APBB1IP: variants seen among roughly 807,000 people sequenced by gnomAD.
The protein encoded by APBB1IP is amyloid beta precursor protein binding family B member 1 interacting protein.
In APBB1IP, 27 loss-of-function variants were observed where a neutral mutation model predicts 64.9. That is an observed-to-expected ratio of 0.42 (90% CI 0.31 to 0.57). The LOEUF (loss-of-function observed/expected upper bound fraction) is 0.57, where lower values mean the gene tolerates loss of function less well. Ranked by LOEUF, APBB1IP falls within the 20% of genes least tolerant of loss-of-function variation. The pLI, the probability that APBB1IP is intolerant of heterozygous loss-of-function variation, is 0.20. For synonymous variants in APBB1IP, 392 were observed against 331.0 expected (o/e 1.18, Z -2.00); for missense variants, 812 against 845.5 (o/e 0.96, Z 0.49).
intron 8 of APBB1IP, among the ~76,000 whole-genome samples, chr10:26,515,016 C>T (rs986465738): frequency 1.3e-5 from 2 of 150,514 alleles, no homozygotes; most frequent in East Asian, 2.0e-4. Flanking sequence ...GGACTACAGG[C>T]GCATGACACC....
intron 2 of APBB1IP, among the ~76,000 whole-genome samples, chr10:26,471,444 T>C (rs1030690277): frequency 3.3e-5 from 5 of 152,180 alleles, no homozygotes; most frequent in African/African-American, 1.2e-4. Flanking sequence ...TGAAAAATAT[T>C]GTCAGTAGCA....
Position 26,461,992 on chromosome 10 carries a change from T to C in APBB1IP, c.-1+23139T>C, listed in dbSNP as rs562746109. ...TGAATTGTTTATGTAGACAATTGTA[T>C]CACCTCCATATTTTGCTAACTTTGT... On this transcript the variant is annotated intron_variant, in intron 2 of 14. Transcript: ENST00000376236. Among the ~76,000 whole-genome samples, 7 of 152,332 alleles carry C rather than the reference T, an allele frequency of 4.6e-5. No individual in the cohort carries two copies. The East Asian group carries it at 9.6e-4, about 21-fold the overall frequency.
At chr10:26,510,540 A>G (rs1836238564) in intron 6 of APBB1IP, among the ~76,000 whole-genome samples, 1 of 152,076 alleles carries the variant, frequency 6.6e-6, no homozygotes, top group Non-Finnish European at 1.5e-5. Context: ...TGAAACCAAC[A>G]TGGGCAACAT....
At position 26,564,578 on chromosome 10, in the gene APBB1IP, G is replaced by A. The variant is rs188129534; in HGVS notation, c.1473+2149G>A. Among the ~76,000 whole-genome samples, 153 of 152,272 alleles carry A rather than the reference G, an allele frequency of 1.0e-3. 1 individual carries two copies. Among genetic ancestry groups the A allele is most frequent in the African/African-American group, 3.3e-3 (135 of 41,536 alleles). ...AACACTTTGGGAGGCCGAGGCAGGC[G>A]GATCACCTGAGTCCAGGAGTTGGAG... On this transcript the variant is annotated intron_variant, in intron 14 of 14. Transcript: ENST00000376236.
intron 8 of APBB1IP, among the ~76,000 whole-genome samples, chr10:26,519,512 A>G (rs1234141404): frequency 1.3e-5 from 2 of 152,182 alleles, no homozygotes; most frequent in African/African-American, 4.8e-5. Flanking sequence ...GAACTCTATC[A>G]TGAGACAGCA....
intron 13 of APBB1IP, 58 bp downstream of exon 13, chr10:26,560,902 A>T: frequency 7.7e-7 from 1 of 1,302,166 alleles, no homozygotes; most frequent in South Asian, 1.4e-5. Flanking sequence ...CCAGTTCAAA[A>T]TGTATCCAAT....
intron 8 of APBB1IP, among the ~76,000 whole-genome samples, chr10:26,530,370 T>C (rs1836535391): frequency 6.6e-6 from 1 of 151,786 alleles, no homozygotes; most frequent in Non-Finnish European, 1.5e-5. Flanking sequence ...GCTCTGTACT[T>C]AAGAGTATTT....
chr10:26,564,540 C>T (rs1484613945), intron 14 of APBB1IP, among the ~76,000 whole-genome samples: 8 of 152,180 alleles, frequency 5.3e-5, no homozygotes, highest in African/African-American at 7.2e-5. Flanking sequence ...TAGTGGCTCA[C>T]GCCTGTAATT....
intron 11 of APBB1IP, among the ~76,000 whole-genome samples, chr10:26,557,360 C>T (rs1241809358): frequency 6.6e-6 from 1 of 152,164 alleles, no homozygotes; most frequent in East Asian, 1.9e-4. Context: ...GTTTGCTATG[C>T]CCAAGCAAAT....
chr10:26,478,394 A>G lies in APBB1IP; in HGVS notation c.1-13933A>G, dbSNP rs559162764. ...GTAGCTGAATGTGTGAATTAGAAGG[A>G]GGCGTTTGGGGCCAGGCATGGTGTC... On this transcript the variant is annotated intron_variant, in intron 2 of 14. Coordinates refer to ENST00000376236, the MANE Select transcript of APBB1IP (RefSeq NM_019043.4). Among the ~76,000 whole-genome samples the G allele has an allele frequency of 4.6e-5, 7 of 152,218 alleles. No individual in the cohort carries two copies. The East Asian group carries it at 1.4e-3, about 29-fold the overall frequency.
At chr10:26,522,644 G>C (rs1269631368) in intron 8 of APBB1IP, among the ~76,000 whole-genome samples, 1 of 151,818 alleles carries the variant, frequency 6.6e-6, no homozygotes, top group South Asian at 2.1e-4. Context: ...GACACTTAAG[G>C]GTTAAAAAAT....
At chr10:26,485,765 T>C (rs786870) in intron 2 of APBB1IP, among the ~76,000 whole-genome samples, 123,435 of 152,212 alleles carry the variant, frequency 0.81, 50,532 homozygotes, top group African/African-American at 0.91. Flanking sequence ...GTGCAGTAGA[T>C]AGCAAATCTC....
intron 2 of APBB1IP, among the ~76,000 whole-genome samples, chr10:26,460,882 A>G (rs1835581560): frequency 6.6e-6 from 1 of 152,156 alleles, no homozygotes; most frequent in South Asian, 2.1e-4. Flanking sequence ...CTCACTCCTC[A>G]GTCTAAGATG....
rs376261858 is a variant in APBB1IP, at chr10:26,526,547, T to C, written c.814-6892T>C. Among the ~76,000 whole-genome samples, 856 of 151,954 alleles carry C rather than the reference T, an allele frequency of 5.6e-3. 15 individuals carry two copies. Among genetic ancestry groups the C allele is most frequent in the South Asian group, 0.048 (226 of 4,752 alleles). On this transcript the variant is annotated intron_variant, in intron 8 of 14. Coordinates refer to ENST00000376236, the MANE Select transcript of APBB1IP (RefSeq NM_019043.4). ...CATCCTGGCCAACATGGTGAAACCC[T>C]GTCTCTACTAAAAATACAAAAACAA...
chr10:26,442,323 C>T (rs541817546), intron 2 of APBB1IP, among the ~76,000 whole-genome samples: 3 of 152,144 alleles, frequency 2.0e-5, no homozygotes, highest in South Asian at 2.1e-4. Flanking sequence ...TGTTAGCAAT[C>T]GTGTGTTTTC....
chr10:26,553,451 A>G (rs1443297561), intron 11 of APBB1IP, among the ~76,000 whole-genome samples: 3 of 152,172 alleles, frequency 2.0e-5, no homozygotes, highest in Non-Finnish European at 4.4e-5. Context: ...CAGAAGTTCA[A>G]GACCAACCTG....
At chr10:26,454,875 C>T (rs987921765) in intron 2 of APBB1IP, among the ~76,000 whole-genome samples, 7 of 152,200 alleles carry the variant, frequency 4.6e-5, no homozygotes, top group African/African-American at 1.7e-4. Context: ...GATACCACCT[C>T]ACATCCATTA....
intron 2 of APBB1IP, among the ~76,000 whole-genome samples, chr10:26,477,582 CT>C (rs768250814): frequency 2.0e-5 from 3 of 152,214 alleles, no homozygotes; most frequent in Non-Finnish European, 2.9e-5. Context: ...ATCATTGTCT[CT>C]TCTACTGCTC....
intron 11 of APBB1IP, among the ~76,000 whole-genome samples, chr10:26,547,722 G>A (rs989254687): frequency 1.3e-5 from 2 of 152,140 alleles, no homozygotes; most frequent in Non-Finnish European, 2.9e-5. Context: ...TGGGATTACA[G>A]GCATGAGCCA....
Sources: gnomAD v4.1 joint callset for allele counts (sites outside exome capture counted in the v4.1 genomes callset) on GRCh38, gnomAD v4.1.1 for gene constraint, MANE v1.5 for transcripts, NCBI Gene and HGNC (gene_info 2026-07-23, HGNC 2026-07-21) for gene names.